The following TOP3B variants were observed in gnomAD, a reference collection of about 807,000 sequenced individuals.
The protein encoded by TOP3B is DNA topoisomerase 3-beta-1.
A neutral mutation model predicts 93.9 loss-of-function variants in TOP3B; 45 were observed. That is an observed-to-expected ratio of 0.48 (90% confidence interval 0.38 to 0.61). TOP3B has a LOEUF of 0.61. Among genes scored for constraint, TOP3B ranks in the 20% least tolerant of loss-of-function variants. The pLI is 0.00. For synonymous variants in TOP3B, 357 were observed against 472.6 expected, an observed-to-expected ratio of 0.76 and a Z score of 3.17; for missense variants, 750 against 1,156.1, an observed-to-expected ratio of 0.65 and a Z score of 5.09.
At chr22:21,974,587 C>T in intron 2 of TOP3B, 99 bp from the exon 3 acceptor site, 1 of 1,355,390 alleles carries the variant, frequency 7.4e-7, no homozygotes, top group Non-Finnish European at 1.0e-6. Flanking sequence ...GGCCAGAGTC[C>T]TCCTTCCCCA....
At chr22:21,961,144 G>A (rs970658992) in intron 13 of TOP3B, 1 of 152,372 alleles carries the variant, frequency 6.6e-6, no homozygotes, top group African/African-American at 2.4e-5. Context: ...AGCTCGGAGA[G>A]AATCTCACAT....
chr22:21,962,152 C>CT, intron 13 of TOP3B: 2 of 1,383,432 alleles, frequency 1.4e-6, no homozygotes, highest in Non-Finnish European at 1.9e-6. Context: ...AATCTTCAGC[C>CT]TTGTGGGCGT....
At chr22:21,958,077 C>T (rs1271456250) in intron 17 of TOP3B, 12 of 1,277,992 alleles carry the variant, frequency 9.4e-6, no homozygotes, top group African/African-American at 7.6e-5. Flanking sequence ...TGGTCTGGCT[C>T]GGTGCTCTGT....
chr22:21,974,750 G>T, intron 2 of TOP3B: 1 of 327,462 alleles, frequency 3.1e-6, no homozygotes, highest in Non-Finnish European at 5.6e-6. Context: ...AGCAGGCAGG[G>T]GTGGGCTCTT....
chr22:21,959,933 A>C (rs1601812079), intron 14 of TOP3B, 197 bp from the exon 15 acceptor site: 1 of 728,232 alleles, frequency 1.4e-6, no homozygotes. Flanking sequence ...CTGATTTCCC[A>C]CCTGGAAATG....
chr22:21,972,130 AT>A (rs2145867322), intron 4 of TOP3B, 179 bp from the exon 5 acceptor site: 1 of 573,116 alleles, frequency 1.7e-6, no homozygotes, highest in South Asian at 2.2e-5. Context: ...ACAGAAAAGA[AT>A]TGAGTTTATA....
chr22:21,970,360 T>A lies in TOP3B; in HGVS notation c.431A>T (p.Glu144Val). Residue 144 changes from glutamate (E) to valine (V), a missense_variant, in exon 6 of 18, where the codon GAG becomes GTG. Transcript: ENST00000357179. This position sits in a 1 kb window ranked among gnomAD's most constrained non-coding sequence, Gnocchi z 4.4. ...AAACCTGGCCCGGAACACGGTCTTC[T>A]CGCCACCATGGGCCTTGTTCATGAC... ...LPVMNKAHGG[E>V]KTVFRARFSS... 14 of 1,614,032 alleles carry A rather than the reference T, an allele frequency of 8.7e-6. No individual in the cohort carries two copies. The highest frequency in any genetic ancestry group is 1.2e-5 in the Non-Finnish European group (14 of 1,179,978).
chr22:21,972,422 T>C (rs1003487756), intron 4 of TOP3B, 190 bp downstream of exon 4: 2 of 546,798 alleles, frequency 3.7e-6, no homozygotes, highest in African/African-American at 1.9e-5. Context: ...GGGTTGGCAA[T>C]GGCAACTGCC....
chr22:21,971,292 A>AGG lies in TOP3B; in HGVS notation c.384+584_384+585insCC, dbSNP rs3054504. ...GTACAGGAGCACGGGGGCGACCCAT[A>AGG]GAACAACAGTCTGAAGGGCACCAAG... On this transcript the variant is annotated intron_variant, in intron 5 of 17. Transcript: ENST00000357179. This position sits in a 1 kb window ranked among gnomAD's most constrained non-coding sequence, Gnocchi z 4.6. 0.51 allele frequency: 148,080 copies of AGG among 290,664 alleles called. 39,458 individuals carry two copies. The highest frequency in any genetic ancestry group is 0.7 in the African/African-American group (31,386 of 44,598). 18.0% of individuals were successfully genotyped at this position (290,664 alleles called of 1,614,324 possible).
Position 21,959,844 on chromosome 22 carries a change from G to A in TOP3B, c.1655-108C>T, listed in dbSNP as rs565614358. 46 of 1,469,236 alleles carry A rather than the reference G, an allele frequency of 3.1e-5. No homozygotes were observed. The African/African-American group carries it at 3.3e-4, about 11-fold the overall frequency. The allele number at this position is 1,469,236 out of a possible 1,614,324, so 91.0% of individuals were successfully genotyped here. On this transcript the variant is annotated intron_variant, in intron 14 of 17. Coordinates refer to ENST00000357179, the MANE Select transcript of TOP3B (RefSeq NM_001282112.2). Reference sequence around the variant, plus strand: ...CTGTTCACCCCTCCCGCTCTGGCCCGTCCTCCTGGCCTCTGCCCTACCCAC... The same window carrying A: ...CTGTTCACCCCTCCCGCTCTGGCCCATCCTCCTGGCCTCTGCCCTACCCAC...
intron 7 of TOP3B, 186 bp from the exon 8 acceptor site, chr22:21,967,902 A>AAG (rs2071477182): frequency 3.5e-6 from 2 of 571,186 alleles, no homozygotes; most frequent in Admixed American, 6.1e-5. Context: ...CCTCTCCACC[A>AAG]CTTGCCCCAA....
chr22:21,963,960 G>C lies in TOP3B; in HGVS notation c.1167C>G (p.Pro389=), dbSNP rs199795590. 1.9e-6 allele frequency: 3 copies of C among 1,613,098 alleles called. No individual in the cohort carries two copies. In the South Asian group the frequency reaches 3.3e-5, roughly 18 times the overall value. Residue 389 remains proline (P), a synonymous_variant, in exon 11 of 18, where the codon CCC becomes CCG. Transcript: ENST00000357179. This position sits in a 1 kb window ranked among gnomAD's most constrained non-coding sequence, Gnocchi z 4.8. ...RKGHDAGDHP[P]ITPMKSATEA... ...CTGTGGCAGACTTCATGGGGGTGAT[G>C]GGGGGATGGTCGCCGGCGTCATGGC...
Position 21,959,765 on chromosome 22 carries a change from CCT to C in TOP3B, c.1655-31_1655-30del. On this transcript the variant is annotated intron_variant, in intron 14 of 17. Transcript: ENST00000357179. ...CAAGTGGGCAGGGGGCAGATATTGC[CCT>C]GAGCACTCGCACCCAGGGCCATGCC... The C allele has an allele frequency of 2.5e-6, 4 of 1,604,144 alleles. No individual in the cohort carries two copies. The African/African-American group carries it at 5.3e-5, about 21-fold the overall frequency.
chr22:21,958,595 C>T lies in TOP3B; in HGVS notation c.2004G>A (p.Leu668=). Residue 668 remains leucine, a synonymous_variant, in exon 17 of 18, where the codon CTG becomes CTA. Coordinates refer to ENST00000357179, the MANE Select transcript of TOP3B (RefSeq NM_001282112.2). ...ACCACAGGACCAGCTCGAAGTCATC[C>T]AGAGGGCAGCGGAGCTCCTTGTAGA... ...IKLYKELRCP[L]DDFELVLWSS... The T allele has an allele frequency of 1.2e-6, 2 of 1,614,128 alleles. No individual in the cohort carries two copies. The highest frequency in any genetic ancestry group is 8.5e-7 in the Non-Finnish European group (1 of 1,180,036).
At position 21,970,995 on chromosome 22, in the gene TOP3B, G is replaced by C; in HGVS notation, c.385-589C>G. On this transcript the variant is annotated intron_variant, in intron 5 of 17. Coordinates refer to ENST00000357179, the MANE Select transcript of TOP3B (RefSeq NM_001282112.2). The surrounding 1 kb of genome is among the most constrained non-coding windows in gnomAD (Gnocchi z 4.4). The stretch of plus-strand genomic sequence containing the variant: ...CGAGACTCACTAGGAAGGCCGTGCA[G>C]TGGGACTAGGGTCGCCGCCGGAGCC... The C allele has an allele frequency of 7.8e-7, 1 of 1,286,664 alleles. No homozygotes were observed. Among genetic ancestry groups the C allele is most frequent in the South Asian group, 1.3e-5 (1 of 79,842 alleles). The allele number at this position is 1,286,664 out of a possible 1,614,324, so 79.7% of individuals were successfully genotyped here.
intron 14 of TOP3B, chr22:21,960,013 G>A (rs1294130747): frequency 3.2e-6 from 2 of 618,130 alleles, no homozygotes; most frequent in East Asian, 5.6e-5. Context: ...CCGCCCTTGG[G>A]CCAGTTTTGT....
intron 1 of TOP3B, among the ~76,000 whole-genome samples, chr22:21,980,027 A>C (rs2084593539): frequency 6.6e-6 from 1 of 152,038 alleles, no homozygotes; most frequent in Non-Finnish European, 1.5e-5. Flanking sequence ...TGCTTGGTAC[A>C]TACTAACGTG....
chr22:21,959,573 G>A lies in TOP3B; in HGVS notation c.1804+14C>T, dbSNP rs958945058. On this transcript the variant is annotated intron_variant, in intron 15 of 17. Transcript: ENST00000357179. ...CACCCCTCTGGTGAGGGGCAGGCCAGAGGCAGACTCTACCAGCAATGGAGT... is the reference window on the plus strand; with the variant it reads ...CACCCCTCTGGTGAGGGGCAGGCCAAAGGCAGACTCTACCAGCAATGGAGT... The A allele has an allele frequency of 5.4e-5, 86 of 1,601,068 alleles. No homozygotes were observed. The highest frequency in any genetic ancestry group is 7.0e-5 in the Non-Finnish European group (82 of 1,171,988).
Position 21,959,755 on chromosome 22 carries a change from C to T in TOP3B, c.1655-19G>A. The T allele has an allele frequency of 6.2e-7, 1 of 1,609,728 alleles. No individual in the cohort carries two copies. The highest frequency in any genetic ancestry group is 8.5e-7 in the Non-Finnish European group (1 of 1,178,452). On this transcript the variant is annotated intron_variant, in intron 14 of 17. Coordinates refer to ENST00000357179, the MANE Select transcript of TOP3B (RefSeq NM_001282112.2). ...TCTGCATCTGCAAGTGGGCAGGGGG[C>T]AGATATTGCCCTGAGCACTCGCACC...
Sources: gnomAD v4.1 joint callset for allele counts (sites outside exome capture counted in the v4.1 genomes callset) on GRCh38, gnomAD v4.1.1 for gene constraint, Gnocchi (gnomAD v3.1) non-coding constraint, MANE v1.5 for transcripts, NCBI Gene and HGNC (gene_info 2026-07-23, HGNC 2026-07-21) for gene names.